Variants in DMD observed in about 807,000 individuals in gnomAD.
DMD encodes the protein mutant dystrophin.
Under a neutral mutation model 330.1 loss-of-function variants are expected in DMD, and 63 were observed. The observed-to-expected ratio is 0.19, with a 90% confidence interval of 0.16 to 0.24. The LOEUF is 0.24. Ranked by LOEUF, DMD falls within the 10% of genes least tolerant of loss-of-function variation. The probability of loss-of-function intolerance (pLI) is 1.00; values close to 1 mark genes in which losing one functional copy is unlikely to be tolerated. For synonymous variants in DMD, 1,223 were observed against 959.8 expected (o/e 1.27, Z -5.07); for missense variants, 3,344 against 2,684.1 (o/e 1.25, Z -5.43).
intron 61 of DMD, among the ~76,000 whole-genome samples, chrX:31,329,747 CAGATCACG>C (rs1189455810): frequency 9.1e-6 from 1 of 109,685 alleles, no homozygotes; most frequent in East Asian, 2.9e-4. Context: ...CCAAGGTGAG[CAGATCACG>C]AGGTCAAGAG....
At chrX:32,844,218 C>T (rs899613318) in intron 4 of DMD, among the ~76,000 whole-genome samples, 1 of 110,139 alleles carries the variant, frequency 9.1e-6, no homozygotes, top group African/African-American at 3.3e-5. Flanking sequence ...TAGCCTTGGC[C>T]AACATGGTGA....
At chrX:31,961,740 G>GTTTTTTTTTTTTTTTTTTTT (rs59279553) in intron 45 of DMD, among the ~76,000 whole-genome samples, 3 of 75,637 alleles carry the variant, frequency 4.0e-5, no homozygotes, top group African/African-American at 1.1e-4. Context: ...AAAGGAAGCG[G>GTTTTTTTTTTTTTTTTTTTT]TTTTTTTTTT....
At chrX:32,427,773 G>C (rs1003407201) in intron 29 of DMD, among the ~76,000 whole-genome samples, 1 of 111,044 alleles carries the variant, frequency 9.0e-6, no homozygotes, top group Non-Finnish European at 1.9e-5. Context: ...TATAGTCTTT[G>C]TAGGAAGACT....
intron 44 of DMD, among the ~76,000 whole-genome samples, chrX:32,150,771 G>A (rs1483670813): frequency 1.8e-5 from 2 of 111,722 alleles, no homozygotes; most frequent in African/African-American, 6.5e-5. Flanking sequence ...AGAGCAATCA[G>A]TAAGTGTCTT....
chrX:32,120,575 T>G (rs1888544139), intron 44 of DMD, among the ~76,000 whole-genome samples: 1 of 112,094 alleles, frequency 8.9e-6, no homozygotes, highest in Non-Finnish European at 1.9e-5. Context: ...TTTTATGGAT[T>G]CAGAAGAGTC....
At chrX:32,505,842 C>T (rs1363813306) in intron 18 of DMD, among the ~76,000 whole-genome samples, 2 of 111,536 alleles carry the variant, frequency 1.8e-5, no homozygotes, top group Non-Finnish European at 3.8e-5. Context: ...GCTATCAAGC[C>T]ATAAAAAGAC....
intron 2 of DMD, among the ~76,000 whole-genome samples, chrX:32,933,080 T>G (rs1208890115): frequency 8.9e-6 from 1 of 111,802 alleles, no homozygotes; most frequent in Non-Finnish European, 1.9e-5. Flanking sequence ...TAGAGATAAC[T>G]ATTGAGAAAA....
At chrX:32,964,255 C>CAA (rs781702491) in intron 2 of DMD, among the ~76,000 whole-genome samples, 1,276 of 35,150 alleles carry the variant, frequency 0.036, 89 homozygotes, top group African/African-American at 0.14. Flanking sequence ...GACTCCATCT[C>CAA]AAAAAAAAAA....
At chrX:31,480,031 G>A (rs1467704358) in intron 57 of DMD, among the ~76,000 whole-genome samples, 2 of 112,016 alleles carry the variant, frequency 1.8e-5, no homozygotes, top group Admixed American at 9.5e-5. Flanking sequence ...AAAGTATTAA[G>A]TGCATGCTAC....
chrX:31,954,996 C>A (rs1406494653), intron 45 of DMD, among the ~76,000 whole-genome samples: 1 of 90,940 alleles, frequency 1.1e-5, no homozygotes, highest in African/African-American at 4.5e-5. Context: ...TGAAATCCTG[C>A]CTCTACCAAA....
At chrX:31,381,944 A>C (rs765915348) in intron 60 of DMD, among the ~76,000 whole-genome samples, 17 of 111,905 alleles carry the variant, frequency 1.5e-4, no homozygotes, top group Admixed American at 7.6e-4. Flanking sequence ...TGGCTTTACT[A>C]AACATGCCCC....
At chrX:32,955,386 G>T (rs771243392) in intron 2 of DMD, among the ~76,000 whole-genome samples, 1,709 of 105,070 alleles carry the variant, frequency 0.016, 33 homozygotes, top group African/African-American at 0.056. Context: ...TTTTAGTAGG[G>T]TTTTTTTTTC....
chrX:32,461,736 A>C (rs1366005713), intron 25 of DMD, among the ~76,000 whole-genome samples: 2 of 110,642 alleles, frequency 1.8e-5, no homozygotes, highest in Non-Finnish European at 3.8e-5. Context: ...AACATTCAAC[A>C]AACAAAAAAC....
chrX:32,655,782 T>C (rs1602593334), intron 9 of DMD, among the ~76,000 whole-genome samples: 1 of 111,339 alleles, frequency 9.0e-6, no homozygotes, highest in South Asian at 3.8e-4. Flanking sequence ...CTAAGTCTCT[T>C]TGTAGGTCTA....
rs765471342 is a variant in DMD at position 32,004,192 on chromosome X, C to A, written c.6439-35678G>T. On this transcript the variant is annotated intron_variant, in intron 44 of 78. Transcript: ENST00000357033. Reference sequence around the variant, plus strand: ...TATGTTCTGGCTTCAAGTTCAAAATCCTTTCCACTATACTACAATTACCCC... The same window carrying A: ...TATGTTCTGGCTTCAAGTTCAAAATACTTTCCACTATACTACAATTACCCC... 2.7e-5 allele frequency among the ~76,000 whole-genome samples: 3 copies of A among 111,224 alleles called. No homozygotes were observed. The Admixed American group carries it at 2.9e-4, about 11-fold the overall frequency.
intron 2 of DMD, among the ~76,000 whole-genome samples, chrX:32,906,321 C>A (rs750697177): frequency 8.9e-6 from 1 of 111,998 alleles, no homozygotes; most frequent in African/African-American, 3.2e-5. Flanking sequence ...CGTCTGCCTT[C>A]TGCCATGATT....
chrX:31,445,058 C>T (rs67957153), intron 59 of DMD, among the ~76,000 whole-genome samples: 6,447 of 111,175 alleles, frequency 0.058, 280 homozygotes, highest in African/African-American at 0.14. Flanking sequence ...ACAAGCTATC[C>T]AATTTATGGC....
At chrX:32,606,216 C>G (rs999208140) in intron 12 of DMD, among the ~76,000 whole-genome samples, 1 of 110,457 alleles carries the variant, frequency 9.1e-6, no homozygotes, top group Non-Finnish European at 1.9e-5. Flanking sequence ...TCCTTCTACT[C>G]TCTATTTCCA....
chrX:32,740,176 C>A (rs763863925), intron 7 of DMD, among the ~76,000 whole-genome samples: 2 of 109,968 alleles, frequency 1.8e-5, no homozygotes, highest in South Asian at 7.7e-4. Context: ...TGAGATGACC[C>A]TTCTCTCAGC....
Sources: gnomAD v4.1 joint callset for allele counts (sites outside exome capture counted in the v4.1 genomes callset) on GRCh38, gnomAD v4.1.1 for gene constraint, MANE v1.5 for transcripts, NCBI Gene and HGNC (gene_info 2026-07-23, HGNC 2026-07-21) for gene names.